Variants in HS6ST3 observed in about 807,000 individuals in gnomAD.
HS6ST3 encodes heparan sulfate 6-O-sulfotransferase 3.
Under a neutral mutation model 36.7 loss-of-function variants are expected in HS6ST3, and 12 were observed. The observed-to-expected ratio is 0.33, with a 90% CI of 0.21 to 0.53. The LOEUF (loss-of-function observed/expected upper bound fraction) is 0.53, where lower values mean the gene tolerates loss of function less well. HS6ST3 is among the 20% of genes least tolerant of loss of function. The pLI, the probability that HS6ST3 is intolerant of heterozygous loss-of-function variation, is 0.95. For synonymous variants in HS6ST3, 240 were observed against 257.5 expected, an observed-to-expected ratio of 0.93 and a Z score of 0.65; for missense variants, 584 against 640.9, an observed-to-expected ratio of 0.91 and a Z score of 0.96.
intron 1 of HS6ST3, among the ~76,000 whole-genome samples, chr13:96,497,690 C>T (rs1020416518): frequency 1.3e-5 from 2 of 152,144 alleles, no homozygotes; most frequent in Non-Finnish European, 2.9e-5. Context: ...TTTCCCATTG[C>T]CCCTAGGTTA....
At chr13:96,163,222 ATTTTTTTTTTTTTT>A (rs147731415) in intron 1 of HS6ST3, among the ~76,000 whole-genome samples, 1 of 79,076 alleles carries the variant, frequency 1.3e-5, no homozygotes, top group Non-Finnish European at 2.2e-5. Context: ...TCTGAGATAC[ATTTTTTTTTTTTTT>A]TTTTTTTTTT....
chr13:96,825,947 C>CT (rs917331546), intron 1 of HS6ST3, among the ~76,000 whole-genome samples: 2 of 152,116 alleles, frequency 1.3e-5, no homozygotes, highest in African/African-American at 4.8e-5. Flanking sequence ...GCATTTTCTT[C>CT]TTTTTTTATG....
intron 1 of HS6ST3, among the ~76,000 whole-genome samples, chr13:96,642,791 C>T (rs977158398): frequency 1.3e-5 from 2 of 151,908 alleles, no homozygotes; most frequent in African/African-American, 4.8e-5. Flanking sequence ...GGTGAGGCAT[C>T]AGTTTCACAT....
intron 1 of HS6ST3, among the ~76,000 whole-genome samples, chr13:96,245,739 A>G (rs1037350788): frequency 6.6e-6 from 1 of 152,198 alleles, no homozygotes; most frequent in African/African-American, 2.4e-5. Context: ...AAAACAGGCT[A>G]AGAGGCAGCA....
At chr13:96,522,845 C>A (rs2056099181) in intron 1 of HS6ST3, among the ~76,000 whole-genome samples, 2 of 152,128 alleles carry the variant, frequency 1.3e-5, no homozygotes, top group South Asian at 4.1e-4. Context: ...TTAATTGGGA[C>A]ATTTATCCCA....
At position 96,472,320 on chromosome 13, in the gene HS6ST3, C is replaced by A. The variant is rs916765079; in HGVS notation, c.708-360170C>A. On this transcript the variant is annotated intron_variant, in intron 1 of 1. Coordinates refer to ENST00000376705, the MANE Select transcript of HS6ST3 (RefSeq NM_153456.4). Reference sequence around the variant, plus strand: ...GTGTGCAGCTGCAACTGGGTGATCTCTTCAGTCTCATTTCTTTTTCATTTG... The same window carrying A: ...GTGTGCAGCTGCAACTGGGTGATCTATTCAGTCTCATTTCTTTTTCATTTG... 9.9e-5 allele frequency among the ~76,000 whole-genome samples: 15 copies of A among 152,148 alleles called. 1 individual carries two copies. The highest frequency in any genetic ancestry group is 2.2e-4 in the Non-Finnish European group (15 of 68,028).
At chr13:96,283,427 A>G (rs746602717) in intron 1 of HS6ST3, among the ~76,000 whole-genome samples, 2 of 152,182 alleles carry the variant, frequency 1.3e-5, no homozygotes, top group Non-Finnish European at 2.9e-5. Context: ...ATTTGAACAT[A>G]TAAACTGTAT....
intron 1 of HS6ST3, among the ~76,000 whole-genome samples, chr13:96,105,895 A>G (rs1028830040): frequency 1.3e-5 from 2 of 152,196 alleles, no homozygotes; most frequent in African/African-American, 4.8e-5. Flanking sequence ...TGACTTGGAA[A>G]TATTTACATC....
In HS6ST3 at chr13:96,833,148, G is replaced by A; in HGVS notation, c.1366G>A (p.Ala456Thr). 1 of 1,596,738 alleles carries A rather than the reference G, an allele frequency of 6.3e-7. No homozygotes were observed. The highest frequency in any genetic ancestry group is 8.5e-7 in the Non-Finnish European group (1 of 1,178,116). Residue 456 changes from alanine to threonine, a missense_variant, in exon 2 of 2, where the codon GCA (alanine) becomes ACA (threonine). By Grantham distance (58) the Ala-to-Thr change is moderately conservative. Around this residue, in one of 3 missense-constraint regions of HS6ST3, gnomAD observed 360 missense variants for 411.3 expected, o/e 0.88. Transcript: ENST00000376705. ...DHQWPKEDGA[A>T]EGTVTEDYNS... ...CCAGTGGCCCAAAGAAGATGGGGCT[G>A]CAGAAGGGACTGTCACCGAGGACTA...
chr13:96,620,074 T>G (rs2056488576), intron 1 of HS6ST3, among the ~76,000 whole-genome samples: 1 of 152,296 alleles, frequency 6.6e-6, no homozygotes. Flanking sequence ...TTCTGGAAAG[T>G]TTATAGACTT....
intron 1 of HS6ST3, among the ~76,000 whole-genome samples, chr13:96,302,560 A>G (rs1719420698): frequency 6.6e-6 from 1 of 152,162 alleles, no homozygotes; most frequent in Non-Finnish European, 1.5e-5. Flanking sequence ...AAGTGCATGT[A>G]TAATATGAAA....
chr13:96,091,386 G>T lies in HS6ST3; in HGVS notation c.524G>T (p.Cys175Phe). The T allele has an allele frequency of 6.2e-7, 1 of 1,613,960 alleles. No individual in the cohort carries two copies. Among genetic ancestry groups the T allele is most frequent in the Non-Finnish European group, 8.5e-7 (1 of 1,179,978 alleles). Residue 175 changes from cysteine (C) to phenylalanine (F), a missense_variant, in exon 1 of 2, where the codon TGT becomes TTT. Around this residue, in one of 3 missense-constraint regions of HS6ST3, gnomAD observed 360 missense variants for 411.3 expected, o/e 0.88. Transcript: ENST00000376705. Reference sequence around the variant, plus strand: ...AAGAACATCCGGCTGGAGCAGCCTTGTAGCTGCAAAGCGGGTCAGAAGAAG... The same window carrying T: ...AAGAACATCCGGCTGGAGCAGCCTTTTAGCTGCAAAGCGGGTCAGAAGAAG... Reference protein sequence around the residue: ...LVKNIRLEQPCSCKAGQKKCT... With the variant: ...LVKNIRLEQPFSCKAGQKKCT...
At chr13:96,674,593 A>G (rs1345404435) in intron 1 of HS6ST3, among the ~76,000 whole-genome samples, 1 of 152,068 alleles carries the variant, frequency 6.6e-6, no homozygotes, top group Admixed American at 6.6e-5. Flanking sequence ...TCCCTCTATT[A>G]GACGTTTCCT....
intron 1 of HS6ST3, among the ~76,000 whole-genome samples, chr13:96,482,305 G>T (rs1440801302): frequency 2.6e-5 from 4 of 152,150 alleles, no homozygotes; most frequent in Non-Finnish European, 5.9e-5. Flanking sequence ...CTTTGCCATA[G>T]ATCCCAGTGG....
At chr13:96,730,620 T>C (rs1368987745) in intron 1 of HS6ST3, among the ~76,000 whole-genome samples, 8 of 152,068 alleles carry the variant, frequency 5.3e-5, no homozygotes, top group Admixed American at 6.6e-5. Context: ...TAGGCTGGAG[T>C]ACAGTGGCAC....
intron 1 of HS6ST3, among the ~76,000 whole-genome samples, chr13:96,722,904 G>T (rs1875884962): frequency 6.6e-6 from 1 of 152,172 alleles, no homozygotes; most frequent in Non-Finnish European, 1.5e-5. Flanking sequence ...TTGAGCCCGA[G>T]AGGTTGAGGC....
At chr13:96,515,058 C>G (rs183165208) in intron 1 of HS6ST3, among the ~76,000 whole-genome samples, 95 of 152,312 alleles carry the variant, frequency 6.2e-4, no homozygotes, top group African/African-American at 2.2e-3. Flanking sequence ...TTTGATCTAT[C>G]TCTATGTGCA....
At chr13:96,621,702 T>A (rs1226822473) in intron 1 of HS6ST3, among the ~76,000 whole-genome samples, 1 of 152,234 alleles carries the variant, frequency 6.6e-6, no homozygotes, top group Non-Finnish European at 1.5e-5. Flanking sequence ...TCTATATGAC[T>A]TTCTTTAGGC....
intron 1 of HS6ST3, among the ~76,000 whole-genome samples, chr13:96,712,873 G>T (rs777403005): frequency 6.6e-5 from 10 of 152,114 alleles, no homozygotes; most frequent in Non-Finnish European, 1.5e-4. Flanking sequence ...AGGGAGAAAA[G>T]AACAGAAATA....
Sources: allele counts gnomAD v4.1 joint callset (sites outside exome capture counted in the v4.1 genomes callset), GRCh38; gene constraint gnomAD v4.1.1; regional missense constraint gnomAD v4.1.1; transcripts MANE v1.5; gene names NCBI Gene and HGNC (gene_info 2026-07-23, HGNC 2026-07-21).